The following BCAS3 variants were observed in gnomAD, a reference collection of about 807,000 sequenced individuals.
The protein encoded by BCAS3 is BCAS3 microtubule associated cell migration factor, also known as BCAS4/BCAS3 fusion.
BCAS3 carries 53 observed loss-of-function variants against 116.1 expected under a neutral mutation model. The ratio of observed to expected loss-of-function variants is 0.46; its 90% CI spans 0.37 to 0.57. The LOEUF (loss-of-function observed/expected upper bound fraction) is 0.57, where lower values mean the gene tolerates loss of function less well. Among genes scored for constraint, BCAS3 ranks in the 20% least tolerant of loss-of-function variants. BCAS3 has a pLI of 0.00. For synonymous variants in BCAS3, 391 were observed against 408.2 expected, an observed-to-expected ratio of 0.96 and a Z score of 0.51; for missense variants, 917 against 1,165.4, an observed-to-expected ratio of 0.79 and a Z score of 3.10.
chr17:61,164,996 T>C lies in BCAS3; in HGVS notation c.2425+80432T>C, dbSNP rs1256826299. 2.6e-5 allele frequency among the ~76,000 whole-genome samples: 4 copies of C among 152,216 alleles called. 1 individual carries two copies. The highest frequency in any genetic ancestry group is 4.4e-5 in the Non-Finnish European group (3 of 68,040). Reference sequence around the variant, plus strand: ...AACAAACCCCACATGGACATTCAGATTGAACAGTGATGATCCTTAGTTGGT... The same window carrying C: ...AACAAACCCCACATGGACATTCAGACTGAACAGTGATGATCCTTAGTTGGT... On this transcript the variant is annotated intron_variant, in intron 22 of 23. Coordinates refer to ENST00000407086, the MANE Select transcript of BCAS3 (RefSeq NM_017679.5).
intron 21 of BCAS3, among the ~76,000 whole-genome samples, chr17:61,080,882 G>A (rs6504016): frequency 0.95 from 144,278 of 152,324 alleles, 68,409 homozygotes; most frequent in East Asian, 1. Flanking sequence ...TTTCTTCTCT[G>A]CATTTTTTTT....
Position 61,376,294 on chromosome 17 carries a change from C to T in BCAS3, c.2593+7800C>T, listed in dbSNP as rs777910217. 6.6e-6 allele frequency among the ~76,000 whole-genome samples: 1 copy of T among 152,198 alleles called. No individual in the cohort carries two copies. Among genetic ancestry groups the T allele is most frequent in the Non-Finnish European group, 1.5e-5 (1 of 68,046 alleles). ...ACACTGTTCCTGTCCTAAGCAAACCCGGAGGTTGTGTGAGCTGAAGATGCT... is the reference window on the plus strand; with the variant it reads ...ACACTGTTCCTGTCCTAAGCAAACCTGGAGGTTGTGTGAGCTGAAGATGCT... On this transcript the variant is annotated intron_variant, in intron 23 of 23. Coordinates refer to ENST00000407086, the MANE Select transcript of BCAS3 (RefSeq NM_017679.5). This position sits in a 1 kb window ranked among gnomAD's most constrained non-coding sequence, Gnocchi z 4.5.
intron 16 of BCAS3, among the ~76,000 whole-genome samples, chr17:61,031,924 C>T (rs7206935): frequency 0.34 from 51,110 of 151,860 alleles, 14,225 homozygotes; most frequent in African/African-American, 0.77. Flanking sequence ...AAAATAACAC[C>T]GTGTTGATGC....
Position 61,034,718 on chromosome 17 carries a change from T to C in BCAS3, c.1690T>C (p.Phe564Leu). The C allele has an allele frequency of 6.2e-7, 1 of 1,612,608 alleles. No individual in the cohort carries two copies. The change falls in exon 17 of 24, where the codon TTT (phenylalanine) becomes CTT (leucine). Residue 564 changes from phenylalanine to leucine, a missense_variant. By Grantham distance (22) the Phe-to-Leu change is conservative. Coordinates refer to ENST00000407086, the MANE Select transcript of BCAS3 (RefSeq NM_017679.5). This position sits in a 1 kb window ranked among gnomAD's most constrained non-coding sequence, Gnocchi z 5.0. The part of the protein sequence containing the change: ...ISPSKSMGGE[F>L]CVAAIFGTSR... The stretch of plus-strand genomic sequence containing the variant: ...ACCCAGCAAATCGATGGGCGGAGAA[T>C]TTTGTGTGGCTGCTATCTTCGGAAC...
rs1444828930 is a variant in BCAS3, at chr17:61,302,665, C to T, written c.2426-65662C>T. The stretch of plus-strand genomic sequence containing the variant: ...AGATTTAGGTTACATTGATGAGTGA[C>T]AGAATTCTAGAATTCATATTTTTTT... On this transcript the variant is annotated intron_variant, in intron 22 of 23. Coordinates refer to ENST00000407086, the MANE Select transcript of BCAS3 (RefSeq NM_017679.5). The surrounding 1 kb of genome is among the most constrained non-coding windows in gnomAD (Gnocchi z 4.4). Among the ~76,000 whole-genome samples the T allele has an allele frequency of 6.6e-6, 1 of 152,126 alleles. No homozygotes were observed. The highest frequency in any genetic ancestry group is 1.5e-5 in the Non-Finnish European group (1 of 68,020).
rs12940426 is a variant in BCAS3 at position 61,244,680 on chromosome 17, G to A, written c.2426-123647G>A. Among the ~76,000 whole-genome samples, 43 of 152,170 alleles carry A rather than the reference G, an allele frequency of 2.8e-4. 1 individual carries two copies. The Middle Eastern group carries it at 0.01, about 36-fold the overall frequency. On this transcript the variant is annotated intron_variant, in intron 22 of 23. Transcript: ENST00000407086. The surrounding 1 kb of genome is among the most constrained non-coding windows in gnomAD (Gnocchi z 4.9). ...AGATCGAGACCATCCTGGCTAACACGGTGAAACTTCATCTCTACTAAAAAT... is the reference window on the plus strand; with the variant it reads ...AGATCGAGACCATCCTGGCTAACACAGTGAAACTTCATCTCTACTAAAAAT...
intron 5 of BCAS3, among the ~76,000 whole-genome samples, chr17:60,720,731 A>T (rs887520542): frequency 3.3e-5 from 5 of 152,196 alleles, no homozygotes; most frequent in African/African-American, 1.2e-4. Flanking sequence ...ATATAGGAGG[A>T]TGTGCATAGG....
At chr17:60,751,002 G>C (rs991590309) in intron 6 of BCAS3, among the ~76,000 whole-genome samples, 1 of 152,138 alleles carries the variant, frequency 6.6e-6, no homozygotes, top group Admixed American at 6.6e-5. Context: ...AATATTTGTT[G>C]AATGTTGCTG....
At chr17:61,250,648 C>T (rs1180266251) in intron 22 of BCAS3, among the ~76,000 whole-genome samples, 1 of 152,204 alleles carries the variant, frequency 6.6e-6, no homozygotes. Flanking sequence ...TTTCGGACAG[C>T]TAAAAGGCAT....
intron 9 of BCAS3, among the ~76,000 whole-genome samples, chr17:60,880,354 T>C (rs1371850203): frequency 6.6e-6 from 1 of 152,162 alleles, no homozygotes; most frequent in Non-Finnish European, 1.5e-5. Flanking sequence ...TGTGGCACAG[T>C]CTCGGCTCAC....
intron 15 of BCAS3, among the ~76,000 whole-genome samples, chr17:61,005,835 T>C (rs988956418): frequency 9.9e-5 from 15 of 151,672 alleles, no homozygotes; most frequent in African/African-American, 3.6e-4. Flanking sequence ...TTAGGGTACA[T>C]GTGCACATTG....
At chr17:61,167,892 G>C (rs1203128478) in intron 22 of BCAS3, among the ~76,000 whole-genome samples, 1 of 152,038 alleles carries the variant, frequency 6.6e-6, no homozygotes. Context: ...TCTCATTTTT[G>C]TTCCCCATGC....
intron 4 of BCAS3, among the ~76,000 whole-genome samples, chr17:60,708,528 A>G (rs2037465096): frequency 6.6e-6 from 1 of 151,752 alleles, no homozygotes; most frequent in Non-Finnish European, 1.5e-5. Context: ...CCAGCTAATA[A>G]TAATAATAAT....
rs905916025 is a variant in BCAS3, at chr17:61,105,096, C to G, written c.2425+20532C>G. Among the ~76,000 whole-genome samples, 1 of 152,128 alleles carries G rather than the reference C, an allele frequency of 6.6e-6. No individual in the cohort carries two copies. The highest frequency in any genetic ancestry group is 2.4e-5 in the African/African-American group (1 of 41,432). On this transcript the variant is annotated intron_variant, in intron 22 of 23. Transcript: ENST00000407086. The surrounding 1 kb of genome is among the most constrained non-coding windows in gnomAD (Gnocchi z 4.3). ...AGCTGCATTTCCATCTCTTTCATCCCTCCCTTTTTATGAGAATAAAAAGTG... is the reference window on the plus strand; with the variant it reads ...AGCTGCATTTCCATCTCTTTCATCCGTCCCTTTTTATGAGAATAAAAAGTG...
intron 6 of BCAS3, among the ~76,000 whole-genome samples, chr17:60,798,072 AC>A (rs1465204401): frequency 6.6e-6 from 1 of 152,106 alleles, no homozygotes; most frequent in Non-Finnish European, 1.5e-5. Flanking sequence ...GTTTCTGTAT[AC>A]CCCTGACCCT....
At chr17:60,882,517 A>G (rs2056263546) in intron 9 of BCAS3, among the ~76,000 whole-genome samples, 1 of 152,122 alleles carries the variant, frequency 6.6e-6, no homozygotes, top group South Asian at 2.1e-4. Flanking sequence ...GTCCTTGCCC[A>G]TGCCTATGTC....
At chr17:60,911,700 G>A (rs2058524092) in intron 12 of BCAS3, among the ~76,000 whole-genome samples, 1 of 152,192 alleles carries the variant, frequency 6.6e-6, no homozygotes, top group Admixed American at 6.5e-5. Context: ...CTCCCAAAAT[G>A]CTAGGATTAC....
intron 22 of BCAS3, among the ~76,000 whole-genome samples, chr17:61,255,168 A>G (rs2048690768): frequency 6.6e-6 from 1 of 152,196 alleles, no homozygotes; most frequent in African/African-American, 2.4e-5. Flanking sequence ...GAACTACCAG[A>G]GATTGGAACC....
chr17:61,260,587 C>T (rs1446495600), intron 22 of BCAS3, among the ~76,000 whole-genome samples: 1 of 152,176 alleles, frequency 6.6e-6, no homozygotes, highest in Non-Finnish European at 1.5e-5. Context: ...TTCCCACCAG[C>T]TTTATTCTCT....
Sources: allele counts gnomAD v4.1 joint callset (sites outside exome capture counted in the v4.1 genomes callset), GRCh38; gene constraint gnomAD v4.1.1; non-coding constraint Gnocchi (gnomAD v3.1); transcripts MANE v1.5; gene names NCBI Gene and HGNC (gene_info 2026-07-23, HGNC 2026-07-21).